ZNF608: variants seen among roughly 807,000 people sequenced by gnomAD.
The protein encoded by ZNF608 is zinc finger protein 608, also known as renal carcinoma antigen NY-REN-36.
Under a neutral mutation model 109.0 loss-of-function variants are expected in ZNF608, and 12 were observed. The observed-to-expected ratio is 0.11, with a 90% confidence interval of 0.07 to 0.18. The LOEUF (loss-of-function observed/expected upper bound fraction) is 0.18. ZNF608 is among the 10% of genes least tolerant of loss of function. The pLI is 1.00. For synonymous variants in ZNF608, 732 were observed against 717.4 expected, an observed-to-expected ratio of 1.02 and a Z score of -0.33; for missense variants, 1,707 against 1,879.3, an observed-to-expected ratio of 0.91 and a Z score of 1.70.
At chr5:124,747,161 T>C (rs1479454246), upstream of ZNF608, among the ~76,000 whole-genome samples, 1 of 151,316 alleles carries the variant, frequency 6.6e-6, no homozygotes, top group Non-Finnish European at 1.5e-5. Flanking sequence ...AATAAGGTTT[T>C]TGTTTTCTTT....
At chr5:124,642,224 C>T (rs887480560) in intron 7 of ZNF608, among the ~76,000 whole-genome samples, 1 of 152,198 alleles carries the variant, frequency 6.6e-6, no homozygotes, top group Non-Finnish European at 1.5e-5. Context: ...TGTTTAGTCT[C>T]TCTTCACAAC....
intron 5 of ZNF608, among the ~76,000 whole-genome samples, chr5:124,646,189 A>G (rs549939642): frequency 1.8e-4 from 27 of 151,982 alleles, no homozygotes; most frequent in East Asian, 5.8e-4. Flanking sequence ...GTGAAACCCC[A>G]TCTCTACTAA....
At chr5:124,669,730 G>C (rs1452550474) in intron 3 of ZNF608, among the ~76,000 whole-genome samples, 1 of 151,834 alleles carries the variant, frequency 6.6e-6, no homozygotes, top group African/African-American at 2.4e-5. Flanking sequence ...AGGCTTATCA[G>C]ACTCCTGTGT....
chr5:124,728,702 A>G (rs190504138), intron 2 of ZNF608, among the ~76,000 whole-genome samples: 2 of 152,302 alleles, frequency 1.3e-5, no homozygotes, highest in East Asian at 3.9e-4. Flanking sequence ...CATTCTCTAT[A>G]GTTCCTGAAT....
rs528587971 is a variant in ZNF608 at position 124,701,231 on chromosome 5, C to T, written c.945G>A (p.Pro315=). The change falls in exon 3 of 10, where the codon CCG becomes CCA. Residue 315 remains proline, a synonymous_variant. Transcript: ENST00000513986. ...TCTGAGGCGTGAGACTGCTGGAAAT[C>T]GGCGGTGGTGGCGCTGGCACTGTAA... ...PLFTVPAPPP[P]ISSSLTPQIL... 9 of 1,614,096 alleles carry T rather than the reference C, an allele frequency of 5.6e-6. No homozygotes were observed. The highest frequency in any genetic ancestry group is 2.7e-5 in the African/African-American group (2 of 75,014).
In ZNF608 at chr5:124,647,011, C is replaced by T. The variant is rs142977399; in HGVS notation, c.3373G>A (p.Gly1125Arg). Residue 1125 changes from glycine to arginine, a missense_variant, in exon 5 of 10, where the codon GGA becomes AGA. Gly to Arg is a moderately radical substitution (Grantham distance 125). This residue lies in a region of ZNF608 where 1,073 missense variants were observed against 1,133.5 expected (regional missense o/e 0.95). Transcript: ENST00000513986. Reference sequence around the variant, plus strand: ...AGCTCACTTTTCCTTTCACAGTCTCCTCTCCCAGTCTGGGCCATTTTCTGC... The same window carrying T: ...AGCTCACTTTTCCTTTCACAGTCTCTTCTCCCAGTCTGGGCCATTTTCTGC... ...AEQKMAQTGR[G>R]DCERKSELPL... 36 of 1,613,974 alleles carry T rather than the reference C, an allele frequency of 2.2e-5. No homozygotes were observed. The highest frequency in any genetic ancestry group is 2.0e-4 in the South Asian group (18 of 91,076).
chr5:124,639,064 G>A (rs1750114078), intron 9 of ZNF608, 69 bp downstream of exon 9: 2 of 1,477,278 alleles, frequency 1.4e-6, no homozygotes, highest in African/African-American at 2.8e-5. Context: ...TAAAAATCCT[G>A]TACTTGCTTC....
At chr5:124,713,442 AGC>A (rs2149869622) in intron 2 of ZNF608, among the ~76,000 whole-genome samples, 1 of 152,376 alleles carries the variant, frequency 6.6e-6, no homozygotes, top group Non-Finnish European at 1.5e-5. Context: ...ATGTAATGAC[AGC>A]AAACATTAAC....
intron 3 of ZNF608, among the ~76,000 whole-genome samples, chr5:124,658,132 A>T (rs1004203355): frequency 3.3e-5 from 5 of 152,090 alleles, no homozygotes; most frequent in African/African-American, 1.2e-4. Flanking sequence ...GTTTCAGGTG[A>T]TAGTGTTGGG....
chr5:124,694,861 G>A (rs945578726), intron 3 of ZNF608, among the ~76,000 whole-genome samples: 2 of 152,072 alleles, frequency 1.3e-5, no homozygotes, highest in African/African-American at 4.8e-5. Flanking sequence ...CAGAATGACG[G>A]GAACCATCCA....
intron 3 of ZNF608, among the ~76,000 whole-genome samples, chr5:124,678,578 C>T (rs753443977): frequency 8.5e-5 from 13 of 152,224 alleles, no homozygotes; most frequent in Admixed American, 5.9e-4. Flanking sequence ...ATGCTCACAT[C>T]TAGACTGGCA....
intron 2 of ZNF608, among the ~76,000 whole-genome samples, chr5:124,705,161 G>A (rs915096561): frequency 6.6e-6 from 1 of 152,152 alleles, no homozygotes; most frequent in Admixed American, 6.5e-5. Flanking sequence ...TGGTTTCTCA[G>A]GTCAGTGATC....
In ZNF608 at chr5:124,744,007, CAG is replaced by C; in HGVS notation, c.906+75_906+76del. Reference sequence around the variant, plus strand: ...CAGAAAGCATAAAGTGTAAGGCACACAGAGGCACACCCCCACACACCCACACA... The same window carrying C: ...CAGAAAGCATAAAGTGTAAGGCACACAGGCACACCCCCACACACCCACACA... On this transcript the variant is annotated intron_variant, in intron 2 of 9. Transcript: ENST00000513986. The surrounding 1 kb of genome is among the most constrained non-coding windows in gnomAD (Gnocchi z 4.5). 6.6e-7 allele frequency: 1 copy of C among 1,513,064 alleles called. No homozygotes were observed. The highest frequency in any genetic ancestry group is 8.8e-7 in the Non-Finnish European group (1 of 1,130,822). 93.7% of individuals were successfully genotyped at this position (1,513,064 alleles called of 1,614,324 possible).
chr5:124,714,139 A>G (rs1013648105), intron 2 of ZNF608, among the ~76,000 whole-genome samples: 2 of 151,520 alleles, frequency 1.3e-5, no homozygotes, highest in African/African-American at 2.4e-5. Flanking sequence ...TTTTTAAAAA[A>G]AACAACATTG....
intron 2 of ZNF608, among the ~76,000 whole-genome samples, chr5:124,730,083 T>C (rs1208775450): frequency 6.6e-6 from 1 of 152,244 alleles, no homozygotes; most frequent in African/African-American, 2.4e-5. Context: ...GAATTTATTT[T>C]ACAGACAAAA....
chr5:124,669,596 G>C (rs1751631200), intron 3 of ZNF608, among the ~76,000 whole-genome samples: 2 of 151,970 alleles, frequency 1.3e-5, no homozygotes, highest in South Asian at 4.2e-4. Flanking sequence ...CTATAGCGTA[G>C]GTTTCAGAAC....
intron 3 of ZNF608, among the ~76,000 whole-genome samples, chr5:124,650,052 G>A (rs190583136): frequency 6.6e-6 from 1 of 152,188 alleles, no homozygotes; most frequent in Non-Finnish European, 1.5e-5. Context: ...AATTGCTTTC[G>A]TTTGGCAAGC....
chr5:124,680,193 T>C (rs1321131996), intron 3 of ZNF608, among the ~76,000 whole-genome samples: 1 of 152,016 alleles, frequency 6.6e-6, no homozygotes, highest in Non-Finnish European at 1.5e-5. Context: ...AATGACTAGA[T>C]CTCCGTAGAA....
At chr5:124,700,921 G>C (rs969576205) in intron 3 of ZNF608, 93 bp downstream of exon 3, 32 of 1,524,556 alleles carry the variant, frequency 2.1e-5, no homozygotes, top group Middle Eastern at 1.8e-4. Flanking sequence ...ATTCCTCTCT[G>C]AATACCGCAA....
Sources: allele counts gnomAD v4.1 joint callset (sites outside exome capture counted in the v4.1 genomes callset), GRCh38; gene constraint gnomAD v4.1.1; regional missense constraint gnomAD v4.1.1; non-coding constraint Gnocchi (gnomAD v3.1); transcripts MANE v1.5; gene names NCBI Gene and HGNC (gene_info 2026-07-23, HGNC 2026-07-21).